Variants in ATRNL1 observed in about 807,000 individuals in gnomAD.
The protein encoded by ATRNL1 is attractin like 1.
A neutral mutation model predicts 182.7 loss-of-function variants in ATRNL1; 95 were observed. The ratio of observed to expected loss-of-function variants is 0.52; its 90% CI spans 0.44 to 0.62. ATRNL1 has a LOEUF of 0.62. Ranked by LOEUF, ATRNL1 falls within the 20% of genes least tolerant of loss-of-function variation. The pLI, the probability that ATRNL1 is intolerant of heterozygous loss-of-function variation, is 0.00. For missense variants in ATRNL1, 1,471 were observed against 1,679.5 expected, an observed-to-expected ratio of 0.88 and a Z score of 2.17; for synonymous variants, 576 against 568.3, an observed-to-expected ratio of 1.01 and a Z score of -0.19.
chr10:115,786,467 A>G (rs922634574), intron 27 of ATRNL1, among the ~76,000 whole-genome samples: 10 of 152,142 alleles, frequency 6.6e-5, no homozygotes, highest in Non-Finnish European at 1.5e-4. Flanking sequence ...TGGCAAGCCT[A>G]GGATTCTTTG....
At chr10:115,738,640 G>A (rs1286051805) in intron 27 of ATRNL1, among the ~76,000 whole-genome samples, 1 of 152,064 alleles carries the variant, frequency 6.6e-6, no homozygotes, top group African/African-American at 2.4e-5. Context: ...TTTTGGAAAT[G>A]TCAGATTTGT....
At chr10:115,446,725 T>G (rs1441251801) in intron 21 of ATRNL1, among the ~76,000 whole-genome samples, 1 of 152,068 alleles carries the variant, frequency 6.6e-6, no homozygotes, top group Non-Finnish European at 1.5e-5. Context: ...GGTTTTGTAT[T>G]CTCCTGAAGC....
chr10:115,867,801 G>A (rs562307624), intron 28 of ATRNL1, among the ~76,000 whole-genome samples: 5 of 150,374 alleles, frequency 3.3e-5, no homozygotes, highest in Middle Eastern at 3.2e-3. Context: ...GCAGTGGCAC[G>A]ATCTTGGCTC....
intron 26 of ATRNL1, among the ~76,000 whole-genome samples, chr10:115,561,305 A>G (rs966165505): frequency 1.3e-5 from 2 of 152,142 alleles, no homozygotes; most frequent in African/African-American, 4.8e-5. Context: ...TCAAAAGGCA[A>G]ATTACCCACT....
At chr10:115,864,235 G>A (rs1011525724) in intron 28 of ATRNL1, among the ~76,000 whole-genome samples, 20 of 151,146 alleles carry the variant, frequency 1.3e-4, no homozygotes, top group African/African-American at 4.1e-4. Context: ...CTCCAGCCTC[G>A]GAGCCTGGGT....
At chr10:115,722,284 C>T (rs1947453357) in intron 26 of ATRNL1, among the ~76,000 whole-genome samples, 1 of 151,970 alleles carries the variant, frequency 6.6e-6, no homozygotes, top group African/African-American at 2.4e-5. Flanking sequence ...CAACTGTAAC[C>T]TGAATAAAGA....
At chr10:115,320,970 G>T (rs1854552983) in intron 18 of ATRNL1, among the ~76,000 whole-genome samples, 1 of 152,026 alleles carries the variant, frequency 6.6e-6, no homozygotes, top group Non-Finnish European at 1.5e-5. Context: ...TGGGTTTTTG[G>T]CATTTTTGTT....
At chr10:115,913,971 T>G (rs1049649172) in intron 28 of ATRNL1, among the ~76,000 whole-genome samples, 2 of 152,198 alleles carry the variant, frequency 1.3e-5, no homozygotes, top group Non-Finnish European at 2.9e-5. Context: ...CATCTTGAAT[T>G]GTAACACAAA....
At chr10:115,324,477 T>C (rs1195442689) in intron 18 of ATRNL1, among the ~76,000 whole-genome samples, 1 of 152,206 alleles carries the variant, frequency 6.6e-6, no homozygotes, top group African/African-American at 2.4e-5. Context: ...ACAAGGGCCA[T>C]TTACATCTGC....
At chr10:115,934,810 G>A (rs1953507257) in intron 28 of ATRNL1, among the ~76,000 whole-genome samples, 1 of 152,120 alleles carries the variant, frequency 6.6e-6, no homozygotes, top group Non-Finnish European at 1.5e-5. Flanking sequence ...CAAAGTCCTA[G>A]TGTAACACCT....
chr10:115,460,633 A>C (rs1847749612), intron 21 of ATRNL1, among the ~76,000 whole-genome samples: 1 of 152,016 alleles, frequency 6.6e-6, no homozygotes, highest in South Asian at 2.1e-4. Context: ...AGGTTTCTGT[A>C]CTTGTCCTCT....
At chr10:115,527,874 C>A (rs1851311146) in intron 25 of ATRNL1, among the ~76,000 whole-genome samples, 1 of 101,552 alleles carries the variant, frequency 9.8e-6, no homozygotes. Flanking sequence ...TTCTTTCCTT[C>A]CCTCCCTCCC....
intron 24 of ATRNL1, among the ~76,000 whole-genome samples, chr10:115,500,986 TG>T (rs1849805494): frequency 7.7e-6 from 1 of 130,604 alleles, no homozygotes. Context: ...TGGAGTGCAA[TG>T]GTGCGAGCTC....
rs986282830 is a variant in ATRNL1, at chr10:115,946,042, A to G, written c.*1263A>G. The G allele has an allele frequency of 3.3e-5, 5 of 152,254 alleles. No homozygotes were observed. The highest frequency in any genetic ancestry group is 5.9e-5 in the Non-Finnish European group (4 of 68,042). The allele number at this position is 152,254 out of a possible 1,614,324, so 9.4% of individuals were successfully genotyped here. Reference sequence around the variant, plus strand: ...ATCCTAATACTGACCACAGTTCACTAAAGCTCAGTAGCATTAACAGATATA... The same window carrying G: ...ATCCTAATACTGACCACAGTTCACTGAAGCTCAGTAGCATTAACAGATATA... On this transcript the variant is annotated 3_prime_UTR_variant, in exon 29 of 29. Transcript: ENST00000355044.
At chr10:115,186,853 G>T (rs1446076225) in intron 8 of ATRNL1, among the ~76,000 whole-genome samples, 1 of 152,042 alleles carries the variant, frequency 6.6e-6, no homozygotes, top group African/African-American at 2.4e-5. Context: ...TTGTGTCAAA[G>T]AAATGAATAG....
intron 20 of ATRNL1, among the ~76,000 whole-genome samples, chr10:115,406,670 CT>C (rs1302686787): frequency 6.6e-6 from 1 of 152,040 alleles, no homozygotes; most frequent in East Asian, 1.9e-4. Context: ...GGAATTTTCT[CT>C]TTTTATGATG....
intron 27 of ATRNL1, among the ~76,000 whole-genome samples, chr10:115,815,987 T>C (rs1381146300): frequency 6.6e-6 from 1 of 152,200 alleles, no homozygotes; most frequent in Non-Finnish European, 1.5e-5. Flanking sequence ...GGCCTGATTA[T>C]GTTCTCTGCA....
At chr10:115,884,279 T>C (rs1240164503) in intron 28 of ATRNL1, among the ~76,000 whole-genome samples, 3 of 152,206 alleles carry the variant, frequency 2.0e-5, no homozygotes, top group African/African-American at 4.8e-5. Context: ...ATGGGAGATA[T>C]GACACACCAA....
intron 7 of ATRNL1, among the ~76,000 whole-genome samples, chr10:115,166,985 G>T (rs1348155155): frequency 6.6e-6 from 1 of 151,868 alleles, no homozygotes; most frequent in African/African-American, 2.4e-5. Flanking sequence ...TAGATCCAAT[G>T]TCATGAAGCT....
Sources: allele counts gnomAD v4.1 joint callset (sites outside exome capture counted in the v4.1 genomes callset), GRCh38; gene constraint gnomAD v4.1.1; transcripts MANE v1.5; gene names NCBI Gene and HGNC (gene_info 2026-07-23, HGNC 2026-07-21).